The following SBF2 variants were observed in gnomAD, a reference collection of about 807,000 sequenced individuals.
SBF2 encodes myotubularin-related protein 13.
Under a neutral mutation model 225.2 loss-of-function variants are expected in SBF2, and 112 were observed. The ratio of observed to expected loss-of-function variants is 0.50; its 90% confidence interval spans 0.43 to 0.58. The LOEUF (loss-of-function observed/expected upper bound fraction) is 0.58. Among genes scored for constraint, SBF2 ranks in the 20% least tolerant of loss-of-function variants. The pLI is 0.00. For synonymous variants in SBF2, 763 were observed against 773.3 expected (o/e 0.99, Z 0.22); for missense variants, 1,996 against 2,206.2 (o/e 0.90, Z 1.91).
intron 39 of SBF2, chr11:9,780,760 C>T: frequency 2.0e-6 from 1 of 506,624 alleles, no homozygotes; most frequent in Non-Finnish European, 3.6e-6. Flanking sequence ...CCTTATTTTG[C>T]ATTTTCTTAG....
chr11:10,234,055 C>T (rs768651352), intron 1 of SBF2, among the ~76,000 whole-genome samples: 3 of 152,212 alleles, frequency 2.0e-5, no homozygotes, highest in Admixed American at 6.5e-5. Context: ...AATACTGACA[C>T]ATCAGTATTA....
rs1199415047 is a variant in SBF2, at chr11:9,795,830, C to G, written c.4570+1G>C. 6.2e-7 allele frequency: 1 copy of G among 1,613,604 alleles called. No homozygotes were observed. ...TGAAACAAGGGCATACAGACACATA[C>G]CGTGCTCTAATCTTTCATAGTCTGA... On this transcript the variant is annotated splice_donor_variant, in intron 33 of 39. Transcript: ENST00000256190. LOFTEE classifies it high-confidence loss of function.
chr11:9,811,198 G>T (rs1050212842), intron 30 of SBF2: 1 of 152,224 alleles, frequency 6.6e-6, no homozygotes. Flanking sequence ...GAGGTTGGAG[G>T]TGAGAGGAGG....
chr11:9,893,929 A>G (rs972124999), intron 17 of SBF2, among the ~76,000 whole-genome samples: 1 of 152,134 alleles, frequency 6.6e-6, no homozygotes, highest in South Asian at 2.1e-4. Flanking sequence ...TTAATCCCCT[A>G]TTACTACTTA....
intron 37 of SBF2, 141 bp from the exon 38 acceptor site, chr11:9,784,579 T>A: frequency 5.7e-6 from 4 of 700,154 alleles, no homozygotes; most frequent in Non-Finnish European, 1.0e-5. Context: ...TCTCCCTGGA[T>A]TTTTTCTGCT....
At chr11:10,018,003 A>C (rs1023614686) in intron 6 of SBF2, among the ~76,000 whole-genome samples, 4 of 151,984 alleles carry the variant, frequency 2.6e-5, no homozygotes, top group Non-Finnish European at 4.4e-5. Flanking sequence ...GTTTTTATCT[A>C]CTTTTAATTC....
intron 1 of SBF2, among the ~76,000 whole-genome samples, chr11:10,210,320 G>T (rs890131174): frequency 3.3e-5 from 5 of 150,884 alleles, no homozygotes; most frequent in Non-Finnish European, 7.4e-5. Context: ...CTTGCACAAA[G>T]AAAAAAAGAA....
At chr11:10,254,631 C>T (rs2135495587) in intron 1 of SBF2, among the ~76,000 whole-genome samples, 1 of 150,158 alleles carries the variant, frequency 6.7e-6, no homozygotes, top group East Asian at 2.0e-4. Context: ...AGAGGATGGG[C>T]ACCGAGGCTC....
intron 1 of SBF2, among the ~76,000 whole-genome samples, chr11:10,235,604 C>T (rs756073203): frequency 1.3e-5 from 2 of 151,924 alleles, no homozygotes; most frequent in Admixed American, 1.3e-4. Context: ...ACATAAACTT[C>T]CCTTTTTGGA....
At chr11:9,916,920 A>G (rs1278541854) in intron 16 of SBF2, among the ~76,000 whole-genome samples, 1 of 148,568 alleles carries the variant, frequency 6.7e-6, no homozygotes, top group African/African-American at 2.6e-5. Flanking sequence ...AAAATTGGAT[A>G]CTAGTCAGAA....
chr11:10,032,274 T>TA (rs922029856), intron 3 of SBF2, among the ~76,000 whole-genome samples: 69 of 152,308 alleles, frequency 4.5e-4, no homozygotes, highest in African/African-American at 1.5e-3. Flanking sequence ...TAATAACCTA[T>TA]ATCCCACTGT....
At chr11:10,287,972 A>C (rs367981694) in intron 1 of SBF2, among the ~76,000 whole-genome samples, 9 of 152,224 alleles carry the variant, frequency 5.9e-5, no homozygotes, top group African/African-American at 2.2e-4. Context: ...AGGTGCTGGC[A>C]TAAGTGCCAG....
chr11:9,889,203 T>C (rs1057338353), intron 17 of SBF2, among the ~76,000 whole-genome samples: 1 of 152,222 alleles, frequency 6.6e-6, no homozygotes, highest in African/African-American at 2.4e-5. Flanking sequence ...ACCAACTGAT[T>C]AGGTCAGTTA....
chr11:10,007,503 A>G lies in SBF2; in HGVS notation c.620-4814T>C, dbSNP rs914610411. ...TATCAACTAGATTTACTTTGCCGCC[A>G]GCAGGGAATATGGATAGAAATCCCC... On this transcript the variant is annotated intron_variant, in intron 6 of 39. Transcript: ENST00000256190. Among the ~76,000 whole-genome samples the G allele has an allele frequency of 6.6e-5, 10 of 152,214 alleles. No homozygotes were observed. In the South Asian group the frequency reaches 2.1e-3, roughly 31 times the overall value.
At chr11:10,012,564 A>G (rs964690653) in intron 6 of SBF2, among the ~76,000 whole-genome samples, 2 of 152,178 alleles carry the variant, frequency 1.3e-5, no homozygotes, top group African/African-American at 2.4e-5. Context: ...AATTCTTTCA[A>G]TATGGCTACC....
At chr11:10,141,776 A>G (rs915048766) in intron 2 of SBF2, among the ~76,000 whole-genome samples, 5 of 152,108 alleles carry the variant, frequency 3.3e-5, no homozygotes, top group African/African-American at 1.2e-4. Flanking sequence ...AGACTCCCCA[A>G]CTGATACATT....
intron 13 of SBF2, among the ~76,000 whole-genome samples, 159 bp downstream of exon 13, chr11:9,989,338 G>A (rs888989448): frequency 6.6e-6 from 1 of 151,962 alleles, no homozygotes; most frequent in Non-Finnish European, 1.5e-5. Context: ...CAAATATGGT[G>A]CAGTATATAC....
chr11:9,865,706 AAAAAAAAAAAG>A (rs1296807024), intron 17 of SBF2, among the ~76,000 whole-genome samples: 8 of 147,548 alleles, frequency 5.4e-5, no homozygotes, highest in African/African-American at 1.3e-4. Flanking sequence ...AAAAAAAAAA[AAAAAAAAAAAG>A]GCGGGAGGCG....
At chr11:10,275,738 G>A (rs1172269223) in intron 1 of SBF2, among the ~76,000 whole-genome samples, 2 of 151,814 alleles carry the variant, frequency 1.3e-5, no homozygotes, top group East Asian at 1.9e-4. Flanking sequence ...TGCTTCTTGG[G>A]GAACAATTCA....
Sources: allele counts gnomAD v4.1 joint callset (sites outside exome capture counted in the v4.1 genomes callset), GRCh38; gene constraint gnomAD v4.1.1; transcripts MANE v1.5; gene names NCBI Gene and HGNC (gene_info 2026-07-23, HGNC 2026-07-21).